Variants in UBXN2A observed in about 807,000 individuals in gnomAD.
UBXN2A encodes the protein UBX domain protein 2A.
UBXN2A carries 28 observed loss-of-function variants against 28.4 expected under a neutral mutation model. That is an observed-to-expected ratio of 0.99 (90% CI 0.73 to 1.35). UBXN2A has a LOEUF of 1.35. UBXN2A is among the 40% of genes most tolerant of loss of function. The pLI, the probability that UBXN2A is intolerant of heterozygous loss-of-function variation, is 0.00. For missense variants in UBXN2A, 253 were observed against 297.9 expected (o/e 0.85, Z 1.11); for synonymous variants, 97 against 103.6 (o/e 0.94, Z 0.39).
intron 4 of UBXN2A, among the ~76,000 whole-genome samples, chr2:23,981,303 CAA>C (rs34236089): frequency 3.2e-4 from 22 of 69,478 alleles, no homozygotes; most frequent in South Asian, 4.5e-4. Flanking sequence ...CCTGTCTCTA[CAA>C]AAAAAAAAAA....
At chr2:23,993,342 G>A (rs1708419872) in intron 6 of UBXN2A, among the ~76,000 whole-genome samples, 1 of 151,972 alleles carries the variant, frequency 6.6e-6, no homozygotes, top group Non-Finnish European at 1.5e-5. Context: ...TGACTGAAGC[G>A]TTTAAAAATT....
intron 4 of UBXN2A, among the ~76,000 whole-genome samples, chr2:23,978,120 G>A (rs556513353): frequency 8.1e-4 from 123 of 152,088 alleles, no homozygotes; most frequent in Middle Eastern, 3.4e-3. Context: ...GAGCCACCAC[G>A]CCTGGCCAAC....
intron 1 of UBXN2A, among the ~76,000 whole-genome samples, chr2:23,933,176 AAAC>A (rs1558830736): frequency 6.6e-6 from 1 of 152,010 alleles, no homozygotes; most frequent in African/African-American, 2.4e-5. Flanking sequence ...AAAAATGACA[AAAC>A]AAATTTTAAA....
At chr2:23,952,968 T>C (rs928988264) in intron 1 of UBXN2A, among the ~76,000 whole-genome samples, 2 of 110 alleles carry the variant, frequency 0.018, no homozygotes, top group African/African-American at 0.031. Context: ...TCTTAGTTGT[T>C]TTTTTTTTTT....
Position 23,977,042 on chromosome 2 carries a change from C to G in UBXN2A, c.254C>G (p.Ala85Gly), listed in dbSNP as rs745377323. ...GATTTCAGAAGTTATTCCGATGGTG[C>G]CAGTCAGCAGTTTTTGAACTCCATC... ...NDDFRSYSDG[A>G]SQQFLNSIKK... is the part of the protein sequence containing the mutation. Residue 85 changes from alanine (A) to glycine (G), a missense_variant, in exon 4 of 7, where the codon GCC (alanine) becomes GGC (glycine). Transcript: ENST00000309033. 7 of 1,612,570 alleles carry G rather than the reference C, an allele frequency of 4.3e-6. No individual in the cohort carries two copies. Among genetic ancestry groups the G allele is most frequent in the African/African-American group, 1.3e-5 (1 of 74,850 alleles).
intron 1 of UBXN2A, among the ~76,000 whole-genome samples, chr2:23,945,808 T>G (rs1035139539): frequency 1.6e-4 from 24 of 151,982 alleles, no homozygotes; most frequent in African/African-American, 5.8e-4. Context: ...TAATTATGCA[T>G]TTAATTCTTT....
At chr2:23,955,667 C>T (rs890717852) in intron 1 of UBXN2A, among the ~76,000 whole-genome samples, 1 of 152,158 alleles carries the variant, frequency 6.6e-6, no homozygotes, top group African/African-American at 2.4e-5. Context: ...ACCTGTACAG[C>T]ATGTTACTGT....
intron 3 of UBXN2A, among the ~76,000 whole-genome samples, chr2:23,973,476 C>A (rs902320883): frequency 6.7e-6 from 1 of 149,488 alleles, no homozygotes; most frequent in Admixed American, 6.7e-5. Context: ...GTAGCCCGGA[C>A]TACAAGCGCC....
intron 6 of UBXN2A, among the ~76,000 whole-genome samples, chr2:23,993,551 A>G (rs2150916327): frequency 6.6e-6 from 1 of 152,284 alleles, no homozygotes; most frequent in Middle Eastern, 3.4e-3. Context: ...TTCTACGAAC[A>G]TTTTAACAAC....
At chr2:23,965,036 C>G (rs187320006) in intron 2 of UBXN2A, among the ~76,000 whole-genome samples, 1 of 152,176 alleles carries the variant, frequency 6.6e-6, no homozygotes, top group African/African-American at 2.4e-5. Context: ...TGCCACCATA[C>G]CTGGCTAATT....
At chr2:23,948,472 C>G (rs1706203901) in intron 1 of UBXN2A, among the ~76,000 whole-genome samples, 1 of 151,010 alleles carries the variant, frequency 6.6e-6, no homozygotes. Context: ...AGGCTGGTCT[C>G]AAACTCCTGA....
intron 2 of UBXN2A, among the ~76,000 whole-genome samples, chr2:23,960,806 TG>T (rs1706869442): frequency 6.6e-6 from 1 of 152,042 alleles, no homozygotes; most frequent in African/African-American, 2.4e-5. Context: ...CTAAGTTTTT[TG>T]TATTTTTAGT....
intron 2 of UBXN2A, among the ~76,000 whole-genome samples, chr2:23,962,667 G>T (rs945993686): frequency 1.4e-5 from 2 of 143,158 alleles, no homozygotes; most frequent in Non-Finnish European, 3.0e-5. Flanking sequence ...GTGCAATGAT[G>T]CAGTCTCGGC....
chr2:23,965,220 C>T (rs745730434), intron 2 of UBXN2A, among the ~76,000 whole-genome samples: 1 of 152,160 alleles, frequency 6.6e-6, no homozygotes, highest in Admixed American at 6.6e-5. Flanking sequence ...CTTTCCTTAT[C>T]TTACTGGATT....
chr2:23,933,377 A>G (rs1053132329), intron 1 of UBXN2A, among the ~76,000 whole-genome samples: 1 of 152,020 alleles, frequency 6.6e-6, no homozygotes, highest in Non-Finnish European at 1.5e-5. Flanking sequence ...CTGGTGGTGC[A>G]TGCCTGTAAT....
chr2:23,980,068 GA>G (rs1210178038), intron 4 of UBXN2A, among the ~76,000 whole-genome samples: 2 of 151,562 alleles, frequency 1.3e-5, no homozygotes, highest in African/African-American at 2.4e-5. Context: ...TATCATTATT[GA>G]AAAAGCCGAA....
At position 23,954,392 on chromosome 2, in the gene UBXN2A, C is replaced by T. The variant is rs773471527; in HGVS notation, c.-14-3909C>T. 7.8e-4 allele frequency among the ~76,000 whole-genome samples: 119 copies of T among 152,062 alleles called. 3 individuals carry two copies. Among genetic ancestry groups the T allele is most frequent in the Middle Eastern group, 3.2e-3 (1 of 316 alleles). On this transcript the variant is annotated intron_variant, in intron 1 of 6. Transcript: ENST00000309033. ...TGAATAATATTCCATTGCTTATATA[C>T]ACCTCATTTTGTTTATCCATACATC...
At chr2:23,994,043 C>T (rs762936981) in intron 6 of UBXN2A, among the ~76,000 whole-genome samples, 1 of 152,120 alleles carries the variant, frequency 6.6e-6, no homozygotes, top group Non-Finnish European at 1.5e-5. Flanking sequence ...TTGATTTGAA[C>T]ACATCTTCAT....
intron 1 of UBXN2A, among the ~76,000 whole-genome samples, chr2:23,931,541 T>G (rs181701564): frequency 5.8e-4 from 89 of 152,208 alleles, no homozygotes; most frequent in Non-Finnish European, 1.1e-3. Flanking sequence ...GTTAAATATT[T>G]TTTGAACTTA....
Sources: allele counts gnomAD v4.1 joint callset (sites outside exome capture counted in the v4.1 genomes callset), GRCh38; gene constraint gnomAD v4.1.1; transcripts MANE v1.5; gene names NCBI Gene and HGNC (gene_info 2026-07-23, HGNC 2026-07-21).